Variants in RAD51B observed in about 807,000 individuals in gnomAD.
The protein encoded by RAD51B is RAD51 paralog B, also known as DNA repair protein RAD51 homolog 2.
In RAD51B, 38 loss-of-function variants were observed where a neutral mutation model predicts 42.2. That is an observed-to-expected ratio of 0.90 (90% confidence interval 0.70 to 1.18). The LOEUF is 1.18. Ranked by LOEUF, RAD51B falls within the 50% of genes most tolerant of loss-of-function variation. The probability of loss-of-function intolerance (pLI) is 0.00; values close to 1 mark genes in which losing one functional copy is unlikely to be tolerated. For missense variants in RAD51B, 373 were observed against 400.7 expected (o/e 0.93, Z 0.59); for synonymous variants, 154 against 145.2 (o/e 1.06, Z -0.43).
intron 10 of RAD51B, chr14:68,468,730 T>C: frequency 3.3e-6 from 1 of 302,136 alleles, no homozygotes; most frequent in South Asian, 3.1e-5. Context: ...GTTATCTTGT[T>C]TCCTTTTCCT....
At chr14:68,248,605 C>T (rs978268672) in intron 7 of RAD51B, among the ~76,000 whole-genome samples, 3 of 152,058 alleles carry the variant, frequency 2.0e-5, no homozygotes, top group Non-Finnish European at 4.4e-5. Context: ...CCACAAAGCA[C>T]CACATCCTTT....
At chr14:68,461,512 A>G (rs757670175) in intron 9 of RAD51B, among the ~76,000 whole-genome samples, 9 of 152,170 alleles carry the variant, frequency 5.9e-5, no homozygotes, top group Admixed American at 1.3e-4. Context: ...ACCCAGCTTC[A>G]GTACTTATAA....
chr14:67,864,786 A>T, intron 4 of RAD51B: 1 of 756,180 alleles, frequency 1.3e-6, no homozygotes, highest in Non-Finnish European at 2.2e-6. Flanking sequence ...AATTCCTCCA[A>T]GGATGGTACA....
At chr14:68,124,876 G>T (rs2077724167) in intron 7 of RAD51B, 1 of 151,944 alleles carries the variant, frequency 6.6e-6, no homozygotes, top group Admixed American at 6.6e-5. Flanking sequence ...TTGAACCCGG[G>T]AGGTGGAGGT....
chr14:68,209,875 TC>T (rs1381441939), intron 7 of RAD51B, among the ~76,000 whole-genome samples: 1 of 152,146 alleles, frequency 6.6e-6, no homozygotes, highest in Non-Finnish European at 1.5e-5. Flanking sequence ...GTAATATTCC[TC>T]CATGAGCACA....
intron 10 of RAD51B, chr14:68,563,892 T>A: frequency 1.0e-6 from 1 of 985,486 alleles, no homozygotes; most frequent in Non-Finnish European, 1.2e-6. Flanking sequence ...CAGCCTTGAG[T>A]AACGGCCACA....
At chr14:68,253,811 G>A (rs1420133773) in intron 7 of RAD51B, among the ~76,000 whole-genome samples, 1 of 152,156 alleles carries the variant, frequency 6.6e-6, no homozygotes, top group Non-Finnish European at 1.5e-5. Context: ...TGACATAAAT[G>A]AGATTCAAAC....
At chr14:68,010,163 T>C (rs72725158) in intron 7 of RAD51B, among the ~76,000 whole-genome samples, 17,189 of 151,884 alleles carry the variant, frequency 0.11, 1,297 homozygotes, top group Middle Eastern at 0.28. Flanking sequence ...TTGAATTAAA[T>C]GATATTCAAA....
chr14:68,381,632 C>T (rs536658098), intron 8 of RAD51B, among the ~76,000 whole-genome samples: 11 of 152,114 alleles, frequency 7.2e-5, no homozygotes, highest in Admixed American at 2.6e-4. Flanking sequence ...GCCGAGTTTG[C>T]GCCACTGCAC....
chr14:68,177,834 T>G (rs568686989), intron 7 of RAD51B, among the ~76,000 whole-genome samples: 1 of 152,278 alleles, frequency 6.6e-6, no homozygotes, highest in South Asian at 2.1e-4. Flanking sequence ...ACTGTTGAGA[T>G]GACCAGATGA....
intron 7 of RAD51B, among the ~76,000 whole-genome samples, chr14:67,931,078 G>T (rs968983836): frequency 7.2e-5 from 11 of 152,046 alleles, no homozygotes; most frequent in Admixed American, 5.2e-4. Context: ...CTGCCACCAC[G>T]CCTGGCTAAT....
chr14:68,450,081 A>G (rs1159557972), intron 9 of RAD51B, among the ~76,000 whole-genome samples: 1 of 152,134 alleles, frequency 6.6e-6, no homozygotes, highest in Non-Finnish European at 1.5e-5. Context: ...TATGCCTCCT[A>G]ATTAGGCCAA....
chr14:68,357,085 A>G (rs2082925195), intron 8 of RAD51B, among the ~76,000 whole-genome samples: 1 of 151,826 alleles, frequency 6.6e-6, no homozygotes, highest in South Asian at 2.1e-4. Flanking sequence ...ATAACATTTT[A>G]TCCACGGTAG....
rs151211285 is a variant in RAD51B, at chr14:68,562,127, C to T, written c.1037-32358C>T. 200 of 985,350 alleles carry T rather than the reference C, an allele frequency of 2.0e-4. 1 individual carries two copies. The African/African-American group carries it at 3.0e-3, about 15-fold the overall frequency. 61.0% of individuals were successfully genotyped at this position (985,350 alleles called of 1,614,324 possible). A position where few individuals can be genotyped will look rare whatever the true frequency, so the allele number is the denominator to read the frequency against. On this transcript the variant is annotated intron_variant, in intron 10 of 10. Transcript: ENST00000487270. Reference sequence around the variant, plus strand: ...TTGTCCTTTTTCTCCCTGTGAAAGCCCTCGTCACCCTGGAAATGCCAGTTC... The same window carrying T: ...TTGTCCTTTTTCTCCCTGTGAAAGCTCTCGTCACCCTGGAAATGCCAGTTC...
intron 7 of RAD51B, among the ~76,000 whole-genome samples, chr14:68,172,648 A>C (rs181364073): frequency 6.6e-6 from 1 of 152,314 alleles, no homozygotes; most frequent in Non-Finnish European, 1.5e-5. Flanking sequence ...CAAGTGGAAA[A>C]AAAAAGCCCT....
At chr14:67,871,246 A>G (rs555877805) in intron 5 of RAD51B, among the ~76,000 whole-genome samples, 1 of 152,096 alleles carries the variant, frequency 6.6e-6, no homozygotes, top group African/African-American at 2.4e-5. Context: ...AAAAAATGAT[A>G]AAGGGGATAT....
chr14:68,062,814 CAAAA>C (rs962527138), intron 7 of RAD51B, among the ~76,000 whole-genome samples: 3 of 39,796 alleles, frequency 7.5e-5, no homozygotes, highest in Non-Finnish European at 1.1e-4. Flanking sequence ...GACTCTGTGA[CAAAA>C]AAAAAAAAAA....
At chr14:67,849,981 A>G (rs1004665595) in intron 4 of RAD51B, among the ~76,000 whole-genome samples, 1 of 152,064 alleles carries the variant, frequency 6.6e-6, no homozygotes, top group African/African-American at 2.4e-5. Context: ...CTTCCTTCTC[A>G]TTTGTAGGTG....
At position 68,382,355 on chromosome 14, in the gene RAD51B, G is replaced by A. The variant is rs35113412; in HGVS notation, c.854-29069G>A. On this transcript the variant is annotated intron_variant, in intron 8 of 10. Transcript: ENST00000471583. ...GGGAGAGAGAGGAAGAATTGTCTCC[G>A]GATGAGAATCACTGATCTCACTCAA... 6.7e-3 allele frequency among the ~76,000 whole-genome samples: 1,021 copies of A among 152,230 alleles called. 13 individuals are homozygous for A. The highest frequency in any genetic ancestry group is 0.023 in the African/African-American group (937 of 41,516).
Sources: allele counts gnomAD v4.1 joint callset (sites outside exome capture counted in the v4.1 genomes callset), GRCh38; gene constraint gnomAD v4.1.1; transcripts MANE v1.5; gene names NCBI Gene and HGNC (gene_info 2026-07-23, HGNC 2026-07-21).